LUZP2: variants seen among roughly 807,000 people sequenced by gnomAD.
LUZP2 encodes leucine zipper protein 2.
Under a neutral mutation model 51.6 loss-of-function variants are expected in LUZP2, and 52 were observed. That is an observed-to-expected ratio of 1.01 (90% CI 0.81 to 1.27). The LOEUF (loss-of-function observed/expected upper bound fraction) is 1.27. LUZP2 is among the 50% of genes most tolerant of loss of function. LUZP2 has a pLI of 0.00. For missense variants in LUZP2, 436 were observed against 395.4 expected (o/e 1.10, Z -0.87); for synonymous variants, 154 against 137.3 (o/e 1.12, Z -0.85).
chr11:25,029,632 G>A (rs985643036), intron 9 of LUZP2, among the ~76,000 whole-genome samples: 1 of 151,434 alleles, frequency 6.6e-6, no homozygotes, highest in African/African-American at 2.4e-5. Context: ...AGCTACTTGG[G>A]AGGCTGAGGC....
intron 1 of LUZP2, among the ~76,000 whole-genome samples, chr11:24,659,025 G>A (rs1029212936): frequency 6.6e-6 from 1 of 152,102 alleles, no homozygotes; most frequent in Non-Finnish European, 1.5e-5. Flanking sequence ...ATTCCTCAGG[G>A]ATCTAGAACT....
At chr11:24,715,527 A>G (rs1858009575) in intron 1 of LUZP2, among the ~76,000 whole-genome samples, 1 of 152,236 alleles carries the variant, frequency 6.6e-6, no homozygotes, top group African/African-American at 2.4e-5. Flanking sequence ...TTGCATGAAC[A>G]CAACACTTTC....
intron 7 of LUZP2, among the ~76,000 whole-genome samples, chr11:24,917,651 G>A (rs1427565085): frequency 4.6e-5 from 7 of 152,038 alleles, no homozygotes; most frequent in South Asian, 2.1e-4. Context: ...TTGTAGATGT[G>A]TGGTATTATT....
At chr11:24,644,208 T>A (rs1245009549) in intron 1 of LUZP2, among the ~76,000 whole-genome samples, 1 of 152,182 alleles carries the variant, frequency 6.6e-6, no homozygotes. Context: ...CTCATTATCC[T>A]GTTTGGATGG....
At chr11:24,662,221 T>C (rs569960051) in intron 1 of LUZP2, among the ~76,000 whole-genome samples, 4 of 152,210 alleles carry the variant, frequency 2.6e-5, no homozygotes, top group Admixed American at 2.6e-4. Flanking sequence ...AAACAAGCAC[T>C]ATTCTTAGCT....
chr11:24,820,868 G>C (rs12294289), intron 5 of LUZP2, among the ~76,000 whole-genome samples: 6,479 of 152,190 alleles, frequency 0.043, 330 homozygotes, highest in African/African-American at 0.12. Flanking sequence ...AGATGCTGTA[G>C]TCTATTCTAT....
At chr11:24,659,909 G>GTTAGA (rs1459915636) in intron 1 of LUZP2, among the ~76,000 whole-genome samples, 57 of 152,200 alleles carry the variant, frequency 3.7e-4, no homozygotes, top group African/African-American at 1.1e-3. Context: ...ATTAGATTGT[G>GTTAGA]TTAGATTAGA....
intron 7 of LUZP2, among the ~76,000 whole-genome samples, chr11:24,914,798 G>C (rs1208219263): frequency 6.6e-6 from 1 of 152,118 alleles, no homozygotes; most frequent in Non-Finnish European, 1.5e-5. Flanking sequence ...TGGTTCCCCA[G>C]AGTTCATGAG....
At chr11:24,777,315 A>G (rs1316836683) in intron 5 of LUZP2, among the ~76,000 whole-genome samples, 2 of 152,108 alleles carry the variant, frequency 1.3e-5, no homozygotes, top group Admixed American at 1.3e-4. Flanking sequence ...TTACTTAAGT[A>G]TAGAGACTGG....
At chr11:24,692,277 A>G (rs922424826) in intron 1 of LUZP2, among the ~76,000 whole-genome samples, 6 of 152,030 alleles carry the variant, frequency 3.9e-5, no homozygotes, top group Non-Finnish European at 8.8e-5. Flanking sequence ...CATCCTATGC[A>G]GAAGCAAAAA....
chr11:24,928,893 A>G (rs1321419358), intron 7 of LUZP2, among the ~76,000 whole-genome samples: 1 of 151,946 alleles, frequency 6.6e-6, no homozygotes, highest in East Asian at 1.9e-4. Flanking sequence ...TTTTATTACA[A>G]TTTCCGTTTC....
chr11:25,024,684 T>C (rs1161724329), intron 9 of LUZP2, among the ~76,000 whole-genome samples: 1 of 152,084 alleles, frequency 6.6e-6, no homozygotes, highest in African/African-American at 2.4e-5. Context: ...TGCTCATGGA[T>C]AGGAAGAATC....
At chr11:24,901,620 T>C (rs553690453) in intron 5 of LUZP2, among the ~76,000 whole-genome samples, 1 of 152,306 alleles carries the variant, frequency 6.6e-6, no homozygotes, top group Admixed American at 6.5e-5. Context: ...TCAGGTCTTG[T>C]CTTAGACTTG....
intron 5 of LUZP2, among the ~76,000 whole-genome samples, chr11:24,875,148 A>T (rs999996029): frequency 1.8e-4 from 28 of 151,550 alleles, no homozygotes; most frequent in Non-Finnish European, 3.5e-4. Flanking sequence ...CATGTGCACA[A>T]TGTGCAGGTT....
chr11:24,743,046 G>C (rs530292738), intron 4 of LUZP2, among the ~76,000 whole-genome samples: 18 of 152,120 alleles, frequency 1.2e-4, no homozygotes, highest in African/African-American at 4.3e-4. Flanking sequence ...ATTTCCATTG[G>C]TCTATATGCC....
chr11:24,813,839 A>G (rs1279601719), intron 5 of LUZP2, among the ~76,000 whole-genome samples: 3 of 152,234 alleles, frequency 2.0e-5, no homozygotes, highest in African/African-American at 7.2e-5. Context: ...GCAGGATAGA[A>G]TAGTGGTCAA....
chr11:24,735,049 A>G (rs1858880227), intron 3 of LUZP2, among the ~76,000 whole-genome samples: 1 of 151,970 alleles, frequency 6.6e-6, no homozygotes, highest in Middle Eastern at 3.2e-3. Context: ...TTGGAACTGT[A>G]ACGTAGAGGC....
At chr11:24,566,903 T>A (rs60057862) in intron 1 of LUZP2, among the ~76,000 whole-genome samples, 12 of 4,320 alleles carry the variant, frequency 2.8e-3, no homozygotes, top group African/African-American at 6.2e-3. Context: ...TTTATATATG[T>A]TATATATATA....
intron 5 of LUZP2, among the ~76,000 whole-genome samples, chr11:24,863,729 C>G (rs570557139): frequency 2.6e-5 from 4 of 152,194 alleles, no homozygotes; most frequent in Admixed American, 2.6e-4. Context: ...CTAAATAAAG[C>G]TGTTATAAAA....
Sources: gnomAD v4.1 joint callset for allele counts (sites outside exome capture counted in the v4.1 genomes callset) on GRCh38, gnomAD v4.1.1 for gene constraint, MANE v1.5 for transcripts, NCBI Gene and HGNC (gene_info 2026-07-23, HGNC 2026-07-21) for gene names.